SLIT3: variants seen among roughly 807,000 people sequenced by gnomAD.
The protein encoded by SLIT3 is slit guidance ligand 3, also known as slit homolog 3 protein.
A neutral mutation model predicts 184.0 loss-of-function variants in SLIT3; 68 were observed. The ratio of observed to expected loss-of-function variants is 0.37; its 90% CI spans 0.30 to 0.45. The LOEUF is 0.45. Among genes scored for constraint, SLIT3 ranks in the 20% least tolerant of loss-of-function variants. The pLI, the probability that SLIT3 is intolerant of heterozygous loss-of-function variation, is 1.00. For missense variants in SLIT3, 1,707 were observed against 2,026.0 expected, an observed-to-expected ratio of 0.84 and a Z score of 3.02; for synonymous variants, 831 against 828.6, an observed-to-expected ratio of 1.00 and a Z score of -0.05.
chr5:168,816,289 C>A (rs1044952053), intron 8 of SLIT3, among the ~76,000 whole-genome samples: 4 of 152,098 alleles, frequency 2.6e-5, no homozygotes, highest in Admixed American at 1.3e-4. Flanking sequence ...CAGGTTCAAG[C>A]GATTCTCCTG....
At chr5:168,876,162 C>CAGCT (rs1004551030) in intron 5 of SLIT3, among the ~76,000 whole-genome samples, 2 of 152,150 alleles carry the variant, frequency 1.3e-5, no homozygotes, top group African/African-American at 4.8e-5. Flanking sequence ...TTCCCCCACC[C>CAGCT]AGCTAGCCCC....
rs141356532 is a variant in SLIT3 at position 168,908,098 on chromosome 5, C to A, written c.414-24762G>T. On this transcript the variant is annotated intron_variant, in intron 4 of 35. Transcript: ENST00000519560. Reference sequence around the variant, plus strand: ...GAGGCAAGGAGACTTTCATTTTATACCCTTTTATATCTTTTGAATTTTGAA... The same window carrying A: ...GAGGCAAGGAGACTTTCATTTTATAACCTTTTATATCTTTTGAATTTTGAA... Among the ~76,000 whole-genome samples the A allele has an allele frequency of 5.8e-3, 871 of 150,680 alleles. 20 individuals carry two copies. The highest frequency in any genetic ancestry group is 4.6e-3 in the Non-Finnish European group (315 of 67,774).
intron 4 of SLIT3, among the ~76,000 whole-genome samples, chr5:168,924,759 C>T (rs950747974): frequency 7.2e-5 from 11 of 152,180 alleles, no homozygotes; most frequent in Admixed American, 1.3e-4. Flanking sequence ...GCAATCTGCT[C>T]GCTTTGGCAT....
chr5:168,773,018 G>A, intron 13 of SLIT3, 74 bp from the exon 14 acceptor site: 11 of 1,449,128 alleles, frequency 7.6e-6, no homozygotes, highest in South Asian at 5.5e-5. Context: ...CCTGCCTCGC[G>A]CTGGGCCCTG....
chr5:168,780,664 A>G (rs191638100), intron 12 of SLIT3, among the ~76,000 whole-genome samples: 1 of 152,314 alleles, frequency 6.6e-6, no homozygotes, highest in African/African-American at 2.4e-5. Flanking sequence ...CCCCTAATTA[A>G]GCTACAGGAT....
chr5:168,880,451 C>T (rs2113783995), intron 5 of SLIT3, among the ~76,000 whole-genome samples: 1 of 152,330 alleles, frequency 6.6e-6, no homozygotes, highest in Non-Finnish European at 1.5e-5. Flanking sequence ...ACAGTTTTGC[C>T]TTTACACTTT....
chr5:168,804,378 G>A (rs1447116509), intron 9 of SLIT3, among the ~76,000 whole-genome samples: 1 of 149,532 alleles, frequency 6.7e-6, no homozygotes, highest in Non-Finnish European at 1.5e-5. Context: ...AGAGAGCAAG[G>A]ATAGGAAATA....
chr5:168,766,634 G>A (rs556643786), intron 14 of SLIT3, among the ~76,000 whole-genome samples: 12 of 152,334 alleles, frequency 7.9e-5, no homozygotes, highest in South Asian at 2.1e-4. Context: ...CTGTGGCTGC[G>A]GGGCCAGTAA....
intron 17 of SLIT3, 149 bp from the exon 18 acceptor site, chr5:168,753,247 T>C (rs975759110): frequency 8.6e-5 from 65 of 758,368 alleles, no homozygotes; most frequent in Admixed American, 1.6e-4. Context: ...TGTCCTGTGA[T>C]AGCAGGGACT....
At chr5:169,241,886 C>T (rs1765416307) in intron 3 of SLIT3, among the ~76,000 whole-genome samples, 1 of 152,130 alleles carries the variant, frequency 6.6e-6, no homozygotes, top group Admixed American at 6.5e-5. Flanking sequence ...GACTTCCTTT[C>T]CCTTTCCCAG....
chr5:169,069,256 G>A lies in SLIT3; in HGVS notation c.413+124223C>T, dbSNP rs116375870. ...GAGTGCCAGTCTGACTCCAGAGACC[G>A]TCCATTGCTGCTGGGTACCACCTTC... On this transcript the variant is annotated intron_variant, in intron 4 of 35. Coordinates refer to ENST00000519560, the MANE Select transcript of SLIT3 (RefSeq NM_003062.4). 8.3e-3 allele frequency among the ~76,000 whole-genome samples: 1,263 copies of A among 152,320 alleles called. 26 individuals are homozygous for A. Among genetic ancestry groups the A allele is most frequent in the African/African-American group, 0.029 (1,194 of 41,568 alleles).
Position 168,664,932 on chromosome 5 carries a change from G to C in SLIT3, c.*1522C>G, listed in dbSNP as rs562036933. 3.9e-5 allele frequency: 6 copies of C among 152,390 alleles called. No individual in the cohort carries two copies. The highest frequency in any genetic ancestry group is 1.2e-4 in the African/African-American group (5 of 41,580). The allele number at this position is 152,390 out of a possible 1,614,324, so 9.4% of individuals were successfully genotyped here. On this transcript the variant is annotated 3_prime_UTR_variant, in exon 36 of 36. Transcript: ENST00000519560. ...CTAGATGCATAAGCCCTGGTCTCCA[G>C]AATCTTTCCAGATACTGCGGAGGGA...
At chr5:168,977,674 C>T (rs947380875) in intron 4 of SLIT3, among the ~76,000 whole-genome samples, 3 of 152,196 alleles carry the variant, frequency 2.0e-5, no homozygotes. Context: ...TGAAGATGAT[C>T]TGCAAGCCTT....
At chr5:168,748,663 A>G (rs2113459259) in intron 19 of SLIT3, among the ~76,000 whole-genome samples, 1 of 152,316 alleles carries the variant, frequency 6.6e-6, no homozygotes. Flanking sequence ...CAGCAAGAGT[A>G]ACAGGAAAGA....
At chr5:168,782,410 G>A (rs539928787) in intron 12 of SLIT3, among the ~76,000 whole-genome samples, 39 of 152,296 alleles carry the variant, frequency 2.6e-4, no homozygotes, top group African/African-American at 7.9e-4. Context: ...GTCCATCAGC[G>A]GAGGAAATGA....
At chr5:169,243,842 C>T (rs1765486144) in intron 3 of SLIT3, among the ~76,000 whole-genome samples, 1 of 152,208 alleles carries the variant, frequency 6.6e-6, no homozygotes, top group South Asian at 2.1e-4. Context: ...TCAGGGCAAC[C>T]AAGATTCAGA....
intron 4 of SLIT3, among the ~76,000 whole-genome samples, chr5:169,162,615 A>G (rs563075949): frequency 6.6e-6 from 1 of 152,334 alleles, no homozygotes; most frequent in East Asian, 1.9e-4. Context: ...CACTGACCAC[A>G]CCATGAGTCA....
intron 6 of SLIT3, 31 bp downstream of exon 6, chr5:168,844,553 A>C: frequency 1.9e-6 from 3 of 1,607,422 alleles, no homozygotes; most frequent in Non-Finnish European, 2.6e-6. Context: ...ATGCACGCAC[A>C]CACAAGGCAG....
At chr5:168,807,543 G>A (rs1581103148) in intron 8 of SLIT3, among the ~76,000 whole-genome samples, 1 of 152,016 alleles carries the variant, frequency 6.6e-6, no homozygotes, top group Non-Finnish European at 1.5e-5. Context: ...ATCCCTCCCA[G>A]GACCTCATCC....
Sources: gnomAD v4.1 joint callset for allele counts (sites outside exome capture counted in the v4.1 genomes callset) on GRCh38, gnomAD v4.1.1 for gene constraint, MANE v1.5 for transcripts, NCBI Gene and HGNC (gene_info 2026-07-23, HGNC 2026-07-21) for gene names.